The following URM1 variants were observed in gnomAD, a reference collection of about 807,000 sequenced individuals.
The protein encoded by URM1 is ubiquitin-related modifier 1.
A neutral mutation model predicts 17.7 loss-of-function variants in URM1; 11 were observed. The ratio of observed to expected loss-of-function variants is 0.62; its 90% CI spans 0.39 to 1.03. The LOEUF (loss-of-function observed/expected upper bound fraction) is 1.03. Among genes scored for constraint, URM1 ranks in the 50% least tolerant of loss-of-function variants. The pLI, the probability that URM1 is intolerant of heterozygous loss-of-function variation, is 0.00. For missense variants in URM1, 128 were observed against 129.2 expected (o/e 0.99, Z 0.04); for synonymous variants, 48 against 50.6 (o/e 0.95, Z 0.22).
chr9:128,382,453 G>T (rs921637929), intron 2 of URM1, among the ~76,000 whole-genome samples: 1 of 152,136 alleles, frequency 6.6e-6, no homozygotes, highest in South Asian at 2.1e-4. Flanking sequence ...GCGAGTCTTG[G>T]AGGTTCCAGC....
intron 2 of URM1, among the ~76,000 whole-genome samples, chr9:128,378,542 CAA>C (rs58676800): frequency 0.042 from 946 of 22,772 alleles, 2 homozygotes; most frequent in South Asian, 0.061. Flanking sequence ...GACTCCATCT[CAA>C]AAAAAAAAAA....
At chr9:128,376,422 G>C (rs1045600693) in intron 1 of URM1, among the ~76,000 whole-genome samples, 5 of 151,686 alleles carry the variant, frequency 3.3e-5, no homozygotes. Flanking sequence ...CACTTCGGGA[G>C]GCTGAGGCAG....
intron 2 of URM1, among the ~76,000 whole-genome samples, chr9:128,384,244 C>T (rs891659133): frequency 9.2e-5 from 14 of 152,198 alleles, no homozygotes; most frequent in African/African-American, 3.1e-4. Context: ...GCTCTGCCCC[C>T]GATGGGCAGG....
At chr9:128,386,513 C>T (rs966805131) in intron 2 of URM1, among the ~76,000 whole-genome samples, 2 of 152,234 alleles carry the variant, frequency 1.3e-5, no homozygotes, top group Admixed American at 6.5e-5. Flanking sequence ...GCTTTGCTGG[C>T]GTACGATCCA....
At chr9:128,384,926 G>T (rs1403514668) in intron 2 of URM1, among the ~76,000 whole-genome samples, 1 of 152,078 alleles carries the variant, frequency 6.6e-6, no homozygotes, top group Admixed American at 6.6e-5. Context: ...TACCTCCCCA[G>T]TTGTCCACTC....
intron 1 of URM1, among the ~76,000 whole-genome samples, chr9:128,371,762 G>A (rs567665766): frequency 6.6e-6 from 1 of 152,182 alleles, no homozygotes; most frequent in African/African-American, 2.4e-5. Context: ...TGAGCTCCTA[G>A]AACCTAGAAG....
chr9:128,382,845 G>A (rs970425750), intron 2 of URM1, among the ~76,000 whole-genome samples: 4 of 152,176 alleles, frequency 2.6e-5, no homozygotes, highest in African/African-American at 7.2e-5. Context: ...TCGCTGAAAC[G>A]GCCATGCAGG....
chr9:128,383,798 C>A (rs1238235284), intron 2 of URM1, among the ~76,000 whole-genome samples: 2 of 152,166 alleles, frequency 1.3e-5, no homozygotes, highest in Non-Finnish European at 2.9e-5. Context: ...GAGGCTGACA[C>A]CCTTTGGGGC....
intron 2 of URM1, among the ~76,000 whole-genome samples, chr9:128,380,488 G>A (rs1467556940): frequency 6.6e-6 from 1 of 152,164 alleles, no homozygotes; most frequent in Non-Finnish European, 1.5e-5. Context: ...GCAGCCTTGG[G>A]AGGGCACATG....
intron 1 of URM1, among the ~76,000 whole-genome samples, chr9:128,374,196 A>C (rs1367353679): frequency 6.6e-6 from 1 of 152,064 alleles, no homozygotes; most frequent in Non-Finnish European, 1.5e-5. Context: ...CCCACTCCAG[A>C]TGTGCTGACA....
intron 3 of URM1, 106 bp from the exon 4 acceptor site, chr9:128,389,155 G>T: frequency 3.3e-6 from 5 of 1,493,488 alleles, no homozygotes; most frequent in Non-Finnish European, 4.4e-6. Context: ...CAGGAGGAAG[G>T]CTCCTCAGCA....
At chr9:128,384,111 T>C (rs1833196408) in intron 2 of URM1, among the ~76,000 whole-genome samples, 1 of 152,212 alleles carries the variant, frequency 6.6e-6, no homozygotes, top group South Asian at 2.1e-4. Context: ...TGTCAGAGGA[T>C]GACACTGAGA....
At chr9:128,378,947 C>CAAAAA (rs397976946) in intron 2 of URM1, among the ~76,000 whole-genome samples, 2 of 86,862 alleles carry the variant, frequency 2.3e-5, no homozygotes, top group African/African-American at 3.9e-5. Context: ...ATTCTGTCAC[C>CAAAAA]AAAAAAAAAA....
intron 2 of URM1, among the ~76,000 whole-genome samples, chr9:128,384,206 C>T (rs1833197579): frequency 6.6e-6 from 1 of 152,216 alleles, no homozygotes; most frequent in Admixed American, 6.5e-5. Context: ...TCAACCACTC[C>T]AGCATAGAGC....
chr9:128,388,543 G>C (rs982795873), intron 3 of URM1: 11 of 986,050 alleles, frequency 1.1e-5, no homozygotes, highest in Non-Finnish European at 1.3e-5. Context: ...TCGAAGCATA[G>C]GTCACTGTCA....
intron 2 of URM1, among the ~76,000 whole-genome samples, chr9:128,381,144 A>G (rs1269278553): frequency 6.6e-6 from 1 of 152,088 alleles, no homozygotes; most frequent in East Asian, 1.9e-4. Context: ...TTATTCTTTC[A>G]TGTAGTTGGC....
At chr9:128,374,181 C>G (rs1833048046) in intron 1 of URM1, among the ~76,000 whole-genome samples, 1 of 152,218 alleles carries the variant, frequency 6.6e-6, no homozygotes, top group South Asian at 2.1e-4. Flanking sequence ...GGGCATGCAC[C>G]TTCCCCCACT....
chr9:128,381,067 G>A (rs901143921), intron 2 of URM1, among the ~76,000 whole-genome samples: 26 of 151,984 alleles, frequency 1.7e-4, no homozygotes, highest in South Asian at 1.0e-3. Flanking sequence ...CTGGTGATCC[G>A]CCCGCCTCGG....
chr9:128,387,818 G>A lies in URM1; in HGVS notation c.109G>A (p.Asp37Asn). The change falls in exon 3 of 5, where the codon GAC becomes AAC. Residue 37 changes from aspartate (D) to asparagine (N), a missense_variant and splice_region_variant. Transcript: ENST00000372853. This position sits in a 1 kb window ranked among gnomAD's most constrained non-coding sequence, Gnocchi z 4.3. ...VTLPGQEEPW[D>N]IRNLLIWIKK... The stretch of plus-strand genomic sequence containing the variant: ...TTGTTCTGTGCATTCCTTTCCAGGG[G>A]ACATCCGGAACCTGCTCATCTGGAT... The A allele has an allele frequency of 2.5e-6, 4 of 1,614,140 alleles. No individual in the cohort carries two copies. Among genetic ancestry groups the A allele is most frequent in the Non-Finnish European group, 2.5e-6 (3 of 1,180,000 alleles).
Sources: allele counts gnomAD v4.1 joint callset (sites outside exome capture counted in the v4.1 genomes callset), GRCh38; gene constraint gnomAD v4.1.1; non-coding constraint Gnocchi (gnomAD v3.1); transcripts MANE v1.5; gene names NCBI Gene and HGNC (gene_info 2026-07-23, HGNC 2026-07-21).